Variants in IL34 observed in about 807,000 individuals in gnomAD.
IL34 encodes interleukin-34.
A neutral mutation model predicts 25.3 loss-of-function variants in IL34; 17 were observed. That is an observed-to-expected ratio of 0.67 (90% CI 0.46 to 1.01). IL34 has a LOEUF of 1.01. Ranked by LOEUF, IL34 falls within the 50% of genes least tolerant of loss-of-function variation. The probability of loss-of-function intolerance (pLI) is 0.00; values close to 1 mark genes in which losing one functional copy is unlikely to be tolerated. For missense variants in IL34, 368 were observed against 312.9 expected, an observed-to-expected ratio of 1.18 and a Z score of -1.33; for synonymous variants, 174 against 140.9, an observed-to-expected ratio of 1.23 and a Z score of -1.66.
intron 1 of IL34, among the ~76,000 whole-genome samples, chr16:70,623,710 A>C (rs1391998664): frequency 1.3e-5 from 2 of 151,764 alleles, no homozygotes; most frequent in Non-Finnish European, 2.9e-5. Context: ...AATGAGATGT[A>C]GCTGTAGTCC....
At chr16:70,595,905 G>A (rs2050815621) in intron 1 of IL34, among the ~76,000 whole-genome samples, 1 of 151,968 alleles carries the variant, frequency 6.6e-6, no homozygotes, top group Non-Finnish European at 1.5e-5. Flanking sequence ...CAGCTACTCA[G>A]GAGGCTGAGA....
chr16:70,598,739 T>A (rs2050861926), intron 1 of IL34, among the ~76,000 whole-genome samples: 2 of 152,096 alleles, frequency 1.3e-5, no homozygotes, highest in Admixed American at 1.3e-4. Context: ...ACTCTGTCCA[T>A]AAAATTAAAA....
chr16:70,643,909 G>A (rs1200633182), upstream of IL34, among the ~76,000 whole-genome samples: 1 of 152,122 alleles, frequency 6.6e-6, no homozygotes, highest in Non-Finnish European at 1.5e-5. Flanking sequence ...TTTGAGATTT[G>A]CTTTAAAATA....
At chr16:70,622,225 AG>A (rs1486068440) in intron 1 of IL34, among the ~76,000 whole-genome samples, 1 of 152,118 alleles carries the variant, frequency 6.6e-6, no homozygotes. Context: ...CCTGTAGGAA[AG>A]GTCTTTGCTT....
intron 1 of IL34, among the ~76,000 whole-genome samples, chr16:70,627,899 T>C (rs2151846137): frequency 6.6e-6 from 1 of 152,378 alleles, no homozygotes; most frequent in Middle Eastern, 3.4e-3. Context: ...GCCATGAATA[T>C]TGTAACACAT....
At chr16:70,632,101 C>CAAA (rs71151199) in intron 1 of IL34, among the ~76,000 whole-genome samples, 1 of 106,744 alleles carries the variant, frequency 9.4e-6, no homozygotes, top group African/African-American at 3.7e-5. Flanking sequence ...GACCCTGTCT[C>CAAA]AAAAAAAAAA....
At chr16:70,650,025 C>T (rs2052039612) in intron 1 of IL34, among the ~76,000 whole-genome samples, 1 of 152,154 alleles carries the variant, frequency 6.6e-6, no homozygotes, top group Non-Finnish European at 1.5e-5. Flanking sequence ...TCTTGAACTC[C>T]TGACCTCAGG....
intron 1 of IL34, among the ~76,000 whole-genome samples, chr16:70,584,285 G>A (rs2050666523): frequency 6.6e-6 from 1 of 152,196 alleles, no homozygotes; most frequent in African/African-American, 2.4e-5. Context: ...ACTGGCCTGG[G>A]AACCTGCTTC....
chr16:70,588,450 C>T (rs1379614895), intron 1 of IL34, among the ~76,000 whole-genome samples: 7 of 151,714 alleles, frequency 4.6e-5, no homozygotes, highest in Admixed American at 1.3e-4. Context: ...GCTGAGATCA[C>T]GCCATTTCAC....
chr16:70,626,619 C>A lies in IL34; in HGVS notation c.-400-19929C>A, dbSNP rs112223856. On this transcript the variant is annotated intron_variant, in intron 1 of 6. Transcript: ENST00000429149. ...CCATGTTGATCAGGCTGGTCTGGAA[C>A]TCCTGACCTCAGGTGATCTGCCCAC... Among the ~76,000 whole-genome samples, 963 of 152,280 alleles carry A rather than the reference C, an allele frequency of 6.3e-3. 7 individuals carry two copies. The highest frequency in any genetic ancestry group is 0.019 in the African/African-American group (798 of 41,536).
chr16:70,604,373 TGAG>T (rs903072810), intron 1 of IL34, among the ~76,000 whole-genome samples: 2 of 152,316 alleles, frequency 1.3e-5, no homozygotes, highest in East Asian at 1.9e-4. Context: ...CCATCGAATT[TGAG>T]GAGGAGTTTC....
intron 2 of IL34, 82 bp downstream of exon 2, chr16:70,654,753 T>G: frequency 6.7e-7 from 1 of 1,493,788 alleles, no homozygotes; most frequent in Non-Finnish European, 9.0e-7. Context: ...TTCAGAGCCC[T>G]TCTTAGGACC....
chr16:70,633,210 C>T (rs2051558874), intron 1 of IL34, among the ~76,000 whole-genome samples: 1 of 151,728 alleles, frequency 6.6e-6, no homozygotes, highest in Non-Finnish European at 1.5e-5. Context: ...AGTGATCTGT[C>T]CTCCTTGGCT....
At chr16:70,654,415 A>G in intron 1 of IL34, 123 bp from the exon 2 acceptor site, 1 of 1,336,118 alleles carries the variant, frequency 7.5e-7, no homozygotes, top group Non-Finnish European at 1.0e-6. Context: ...CCCCCACCAC[A>G]CCTTTCCCAT....
At chr16:70,626,485 C>T (rs924833520) in intron 1 of IL34, among the ~76,000 whole-genome samples, 16 of 152,216 alleles carry the variant, frequency 1.1e-4, no homozygotes, top group Admixed American at 7.9e-4. Flanking sequence ...CAACCTCTGC[C>T]TCCCAGGTTC....
chr16:70,604,261 C>T (rs1194692848), intron 1 of IL34, among the ~76,000 whole-genome samples: 4 of 152,294 alleles, frequency 2.6e-5, no homozygotes, highest in Non-Finnish European at 5.9e-5. Flanking sequence ...AAATGTGAGG[C>T]CAAACCTGGG....
intron 1 of IL34, among the ~76,000 whole-genome samples, chr16:70,590,428 G>A (rs895287869): frequency 2.0e-5 from 3 of 152,204 alleles, no homozygotes; most frequent in Non-Finnish European, 2.9e-5. Context: ...CGAGGTGGGG[G>A]TGGAGCCAAG....
intron 1 of IL34, among the ~76,000 whole-genome samples, chr16:70,583,791 AC>A (rs2050661213): frequency 6.6e-6 from 1 of 152,106 alleles, no homozygotes; most frequent in African/African-American, 2.4e-5. Flanking sequence ...AGCTGGAATT[AC>A]AGGTGTGCGC....
At chr16:70,636,532 G>A (rs1444586082) in intron 1 of IL34, among the ~76,000 whole-genome samples, 1 of 151,746 alleles carries the variant, frequency 6.6e-6, no homozygotes, top group East Asian at 1.9e-4. Context: ...CCAGCACTTG[G>A]GGAGGCTGAG....
Sources: allele counts gnomAD v4.1 joint callset (sites outside exome capture counted in the v4.1 genomes callset), GRCh38; gene constraint gnomAD v4.1.1; transcripts MANE v1.5; gene names NCBI Gene and HGNC (gene_info 2026-07-23, HGNC 2026-07-21).